EXT2: variants seen among roughly 807,000 people sequenced by gnomAD.
EXT2 encodes exostosin glycosyltransferase 2, also known as exostosin-2.
In EXT2, 53 loss-of-function variants were observed where a neutral mutation model predicts 81.6. That is an observed-to-expected ratio of 0.65 (90% CI 0.52 to 0.82). The LOEUF is 0.82. Ranked by LOEUF, EXT2 falls within the 40% of genes least tolerant of loss-of-function variation. EXT2 has a pLI of 0.00. For missense variants in EXT2, 774 were observed against 910.2 expected, an observed-to-expected ratio of 0.85 and a Z score of 1.93; for synonymous variants, 320 against 340.0, an observed-to-expected ratio of 0.94 and a Z score of 0.65.
chr11:44,214,335 C>T (rs1955690724), intron 10 of EXT2, among the ~76,000 whole-genome samples: 1 of 152,102 alleles, frequency 6.6e-6, no homozygotes, highest in African/African-American at 2.4e-5. Flanking sequence ...AGCATGGTCT[C>T]GATCTCCTGA....
intron 1 of EXT2, among the ~76,000 whole-genome samples, chr11:44,106,056 G>A (rs1157031195): frequency 2.0e-5 from 3 of 152,172 alleles, no homozygotes; most frequent in Admixed American, 6.5e-5. Flanking sequence ...GGCTGGATTC[G>A]AAGAGTGCAA....
rs766193173 is a variant in EXT2, at chr11:44,108,218, A to G, written c.506A>G (p.Glu169Gly). 1.2e-6 allele frequency: 2 copies of G among 1,613,400 alleles called. No individual in the cohort carries two copies. Among genetic ancestry groups the G allele is most frequent in the South Asian group, 1.1e-5 (1 of 91,076 alleles). The change falls in exon 2 of 14, where the codon GAG becomes GGG. Residue 169 changes from glutamate to glycine, a missense_variant. By Grantham distance (98) the Glu-to-Gly change is moderately conservative (BLOSUM62 -2). This residue lies in a region of EXT2 where 626 missense variants were observed against 670.5 expected (regional missense o/e 0.93). Transcript: ENST00000533608. ...AACCAGAACACACTGCGCATCAAGG[A>G]GACAGCACAAGCGATGGCCCAGCTC... ...VLNQNTLRIK[E>G]TAQAMAQLSR...
At chr11:44,200,474 A>AGC (rs1955509908) in intron 9 of EXT2, among the ~76,000 whole-genome samples, 1 of 152,180 alleles carries the variant, frequency 6.6e-6, no homozygotes. Context: ...AAGGCAGGCT[A>AGC]CTGCCTTTCT....
At chr11:44,119,169 T>TATATATATATATATACACACAC (rs1192115471) in intron 4 of EXT2, among the ~76,000 whole-genome samples, 1 of 63,128 alleles carries the variant, frequency 1.6e-5, no homozygotes, top group African/African-American at 5.9e-5. Context: ...TATATATATA[T>TATATATATATATATACACACAC]ACACATACAC....
intron 7 of EXT2, among the ~76,000 whole-genome samples, chr11:44,165,531 C>T (rs1056275764): frequency 6.6e-6 from 1 of 152,206 alleles, no homozygotes; most frequent in Non-Finnish European, 1.5e-5. Flanking sequence ...TGATTTGAGA[C>T]ATCTTAAATT....
chr11:44,236,193 T>C, intron 12 of EXT2, 100 bp from the exon 13 acceptor site: 2 of 1,041,356 alleles, frequency 1.9e-6, no homozygotes, highest in Non-Finnish European at 3.0e-6. Flanking sequence ...GCATGCAACA[T>C]CTCAGCTTAC....
intron 10 of EXT2, among the ~76,000 whole-genome samples, chr11:44,209,011 C>G (rs1305189024): frequency 6.6e-6 from 1 of 152,186 alleles, no homozygotes; most frequent in Non-Finnish European, 1.5e-5. Flanking sequence ...GCTTTAGGGC[C>G]TCCGTGCCCA....
rs1435728151 is a variant in EXT2, at chr11:44,250,208, G to C, written c.*5921G>C. ...GTTCTTGAGCTTGGTAAGATGATGT[G>C]AGTCCATCAGTGGCCCAGGACTCTA... is the stretch of plus-strand genomic sequence containing the variant. On this transcript the variant is annotated 3_prime_UTR_variant, in exon 14 of 14. Transcript: ENST00000533608. Among the ~76,000 whole-genome samples the C allele has an allele frequency of 3.3e-5, 5 of 152,228 alleles. No homozygotes were observed. The highest frequency in any genetic ancestry group is 4.8e-5 in the African/African-American group (2 of 41,460).
At chr11:44,105,265 G>T (rs1055063384) in intron 1 of EXT2, among the ~76,000 whole-genome samples, 2 of 152,136 alleles carry the variant, frequency 1.3e-5, no homozygotes, top group Non-Finnish European at 2.9e-5. Context: ...TCCGTGAGTA[G>T]AATGATACCA....
intron 7 of EXT2, among the ~76,000 whole-genome samples, chr11:44,145,436 G>T (rs747520572): frequency 3.6e-4 from 55 of 152,278 alleles, no homozygotes; most frequent in Non-Finnish European, 7.1e-4. Flanking sequence ...TAAGTTTTCA[G>T]AAGAGTTATC....
intron 12 of EXT2, among the ~76,000 whole-genome samples, chr11:44,234,929 G>T (rs2135264657): frequency 6.6e-6 from 1 of 152,316 alleles, no homozygotes; most frequent in Admixed American, 6.5e-5. Context: ...AATGGGCAAT[G>T]CCAGGTTCCC....
intron 9 of EXT2, among the ~76,000 whole-genome samples, chr11:44,202,672 G>A (rs1955535530): frequency 6.6e-6 from 1 of 152,222 alleles, no homozygotes; most frequent in African/African-American, 2.4e-5. Context: ...TCCAGGGAAA[G>A]CATGGCTGAC....
At chr11:44,229,140 C>T (rs1041865607) in intron 10 of EXT2, among the ~76,000 whole-genome samples, 2 of 152,112 alleles carry the variant, frequency 1.3e-5, no homozygotes, top group Non-Finnish European at 2.9e-5. Flanking sequence ...ATTGGTGTGA[C>T]TTGAACAGGC....
intron 8 of EXT2, among the ~76,000 whole-genome samples, chr11:44,194,712 A>C (rs530082014): frequency 4.6e-5 from 7 of 152,320 alleles, no homozygotes; most frequent in African/African-American, 1.7e-4. Flanking sequence ...TGTAAAGCAC[A>C]GTATTTTGCA....
intron 7 of EXT2, among the ~76,000 whole-genome samples, chr11:44,135,392 T>TC (rs201994675): frequency 0.08 from 540 of 6,790 alleles, 4 homozygotes; most frequent in East Asian, 0.49. Flanking sequence ...TGGAAATACT[T>TC]TTTTTTTTTT....
At position 44,198,772 on chromosome 11, in the gene EXT2, C is replaced by T. The variant is rs548972664; in HGVS notation, c.1495+754C>T. Among the ~76,000 whole-genome samples the T allele has an allele frequency of 4.0e-4, 61 of 152,256 alleles. 2 individuals carry two copies. The highest frequency in any genetic ancestry group is 1.4e-3 in the African/African-American group (59 of 41,552). On this transcript the variant is annotated intron_variant, in intron 9 of 13. Coordinates refer to ENST00000533608, the MANE Select transcript of EXT2 (RefSeq NM_207122.2). ...TGAGTTTGAAGTTAGTAATGTGCAC[C>T]ACTGTCACCGATAAGGTCTAGTTTA...
intron 7 of EXT2, among the ~76,000 whole-genome samples, chr11:44,139,190 T>C (rs1455757400): frequency 1.3e-5 from 2 of 151,700 alleles, no homozygotes; most frequent in African/African-American, 4.8e-5. Flanking sequence ...AGTGACTCTT[T>C]AGCTGACCTT....
At chr11:44,125,781 T>A (rs764570769) in intron 5 of EXT2, among the ~76,000 whole-genome samples, 2 of 151,928 alleles carry the variant, frequency 1.3e-5, no homozygotes, top group African/African-American at 4.8e-5. Flanking sequence ...CTGGTAACAG[T>A]GGTGATGAGG....
rs1954936162 is a variant in EXT2, at chr11:44,162,163, AT to A, written c.1174-9447del. Among the ~76,000 whole-genome samples, 9 of 152,358 alleles carry A rather than the reference AT, an allele frequency of 5.9e-5. 1 individual carries two copies. In the South Asian group the frequency reaches 1.2e-3, roughly 21 times the overall value. ...TGGTTTTGATAATTGTACCATGGTG[AT>A]GTAAGATGTTAACATTAGGAGAAGC... On this transcript the variant is annotated intron_variant, in intron 7 of 13. Coordinates refer to ENST00000533608, the MANE Select transcript of EXT2 (RefSeq NM_207122.2).
Sources: gnomAD v4.1 joint callset for allele counts (sites outside exome capture counted in the v4.1 genomes callset) on GRCh38, gnomAD v4.1.1 for gene constraint, gnomAD v4.1.1 regional missense constraint, MANE v1.5 for transcripts, NCBI Gene and HGNC (gene_info 2026-07-23, HGNC 2026-07-21) for gene names.